The following DCHS2 variants were observed in gnomAD, a reference collection of about 807,000 sequenced individuals.
The protein encoded by DCHS2 is dachsous cadherin-related 2.
In DCHS2, 142 loss-of-function variants were observed where a neutral mutation model predicts 182.4. The ratio of observed to expected loss-of-function variants is 0.78; its 90% CI spans 0.68 to 0.89. The LOEUF (loss-of-function observed/expected upper bound fraction) is 0.89. Among genes scored for constraint, DCHS2 ranks in the 40% least tolerant of loss-of-function variants. The pLI is 0.00. For synonymous variants in DCHS2, 1,740 were observed against 1,663.3 expected, an observed-to-expected ratio of 1.05 and a Z score of -1.12; for missense variants, 4,319 against 4,198.6, an observed-to-expected ratio of 1.03 and a Z score of -0.79.
intron 13 of DCHS2, among the ~76,000 whole-genome samples, chr4:154,271,580 A>C (rs1224824102): frequency 1.3e-5 from 2 of 152,144 alleles, no homozygotes; most frequent in Non-Finnish European, 2.9e-5. Context: ...AGCTCTGTGG[A>C]AAAAGTCATC....
Position 154,235,441 on chromosome 4 carries a change from A to G in DCHS2, c.9211T>C (p.Trp3071Arg), listed in dbSNP as rs778338448. ...TCCATGATACTTATTAAACTCAACC[A>G]TTCCGGAGTGGCATCCACAGGGACC... The part of the protein sequence containing the change: ...EVVPVDATPE[W>R]LSLISIMEKD... The change falls in exon 20 of 20, where the codon TGG (tryptophan) becomes CGG (arginine). Residue 3071 changes from tryptophan (W) to arginine (R), a missense_variant. Trp to Arg is a moderately radical substitution (Grantham distance 101). Coordinates refer to ENST00000357232, the MANE Select transcript of DCHS2 (RefSeq NM_001358235.2). 5.6e-6 allele frequency: 9 copies of G among 1,614,088 alleles called. No homozygotes were observed. Among genetic ancestry groups the G allele is most frequent in the Non-Finnish European group, 6.8e-6 (8 of 1,179,974 alleles).
chr4:154,395,383 T>G (rs191356325), intron 1 of DCHS2, among the ~76,000 whole-genome samples: 1 of 152,288 alleles, frequency 6.6e-6, no homozygotes, highest in African/African-American at 2.4e-5. Context: ...CTGTTTCAGC[T>G]GAAGGTTCTT....
intron 3 of DCHS2, 80 bp downstream of exon 3, chr4:154,366,130 T>G: frequency 8.5e-7 from 1 of 1,172,286 alleles, no homozygotes; most frequent in South Asian, 1.4e-5. Flanking sequence ...AAAAAGTCAC[T>G]TTTTCTAATT....
chr4:154,479,591 A>G (rs1213879548), intron 1 of DCHS2, among the ~76,000 whole-genome samples: 1 of 152,194 alleles, frequency 6.6e-6, no homozygotes. Context: ...GCACAGTTGT[A>G]CTCCTCTGTA....
chr4:154,381,695 A>G (rs1015995072), intron 1 of DCHS2, among the ~76,000 whole-genome samples: 2 of 152,070 alleles, frequency 1.3e-5, no homozygotes, highest in Non-Finnish European at 2.9e-5. Flanking sequence ...ATAGCCACCA[A>G]AAAATAAAAT....
At chr4:154,268,508 T>G (rs1233187591) in intron 14 of DCHS2, among the ~76,000 whole-genome samples, 1 of 152,216 alleles carries the variant, frequency 6.6e-6, no homozygotes, top group African/African-American at 2.4e-5. Flanking sequence ...CTACTCAGAA[T>G]AGTGAGAAAT....
intron 2 of DCHS2, among the ~76,000 whole-genome samples, chr4:154,375,733 C>T (rs924361032): frequency 1.9e-4 from 29 of 151,818 alleles, no homozygotes; most frequent in South Asian, 4.2e-4. Context: ...CTGGTGGGAG[C>T]GCAATTCTAC....
At chr4:154,316,064 A>G in intron 9 of DCHS2, 77 bp from the exon 10 acceptor site, 1 of 1,560,160 alleles carries the variant, frequency 6.4e-7, no homozygotes, top group East Asian at 2.3e-5. Flanking sequence ...CTTATATCTA[A>G]CTTGTCTACC....
chr4:154,459,648 G>A (rs1391501637), intron 1 of DCHS2, among the ~76,000 whole-genome samples: 2 of 151,968 alleles, frequency 1.3e-5, no homozygotes, highest in African/African-American at 4.8e-5. Context: ...TTTACATAAT[G>A]GGATGTGGCA....
At chr4:154,303,967 T>C (rs1259564006) in intron 12 of DCHS2, among the ~76,000 whole-genome samples, 3 of 152,150 alleles carry the variant, frequency 2.0e-5, no homozygotes, top group Non-Finnish European at 4.4e-5. Flanking sequence ...CTTGAACCCA[T>C]TTTAACATCT....
At chr4:154,317,888 G>T (rs969668958) in intron 9 of DCHS2, among the ~76,000 whole-genome samples, 1 of 152,158 alleles carries the variant, frequency 6.6e-6, no homozygotes, top group Admixed American at 6.5e-5. Flanking sequence ...GATGTGAAAA[G>T]CAGGGGTCTT....
intron 1 of DCHS2, among the ~76,000 whole-genome samples, chr4:154,477,954 T>C (rs551335447): frequency 6.6e-6 from 1 of 152,238 alleles, no homozygotes; most frequent in Non-Finnish European, 1.5e-5. Context: ...AGTTGATTTC[T>C]ATTCCTACTT....
intron 1 of DCHS2, among the ~76,000 whole-genome samples, chr4:154,433,084 G>A (rs550222449): frequency 2.0e-5 from 3 of 152,308 alleles, no homozygotes; most frequent in South Asian, 4.1e-4. Context: ...GGGTTAAGAA[G>A]AGGACATATT....
At chr4:154,276,178 A>C (rs754552170) in intron 13 of DCHS2, among the ~76,000 whole-genome samples, 2 of 152,180 alleles carry the variant, frequency 1.3e-5, no homozygotes, top group Non-Finnish European at 2.9e-5. Context: ...TCAAGGTAGA[A>C]AGGGTAAGCT....
At chr4:154,475,524 G>A (rs1012528076) in intron 1 of DCHS2, among the ~76,000 whole-genome samples, 1 of 152,102 alleles carries the variant, frequency 6.6e-6, no homozygotes, top group Admixed American at 6.5e-5. Context: ...GGATTAGGAT[G>A]TATTATTTAT....
chr4:154,295,686 C>T (rs1416201662), intron 13 of DCHS2, among the ~76,000 whole-genome samples: 1 of 152,046 alleles, frequency 6.6e-6, no homozygotes, highest in Admixed American at 6.6e-5. Flanking sequence ...AAATAACAAC[C>T]AAAGAAAGCA....
At chr4:154,268,562 A>C (rs941967870) in intron 14 of DCHS2, among the ~76,000 whole-genome samples, 1 of 152,164 alleles carries the variant, frequency 6.6e-6, no homozygotes, top group African/African-American at 2.4e-5. Flanking sequence ...CCCATTTAAC[A>C]TTTTTGGGCC....
chr4:154,275,328 A>G (rs1733805884), intron 13 of DCHS2, among the ~76,000 whole-genome samples: 1 of 152,164 alleles, frequency 6.6e-6, no homozygotes. Flanking sequence ...TATGCTTAAC[A>G]TAAACTGTAA....
At chr4:154,331,125 A>G (rs1736502742) in intron 5 of DCHS2, among the ~76,000 whole-genome samples, 1 of 152,152 alleles carries the variant, frequency 6.6e-6, no homozygotes, top group Non-Finnish European at 1.5e-5. Flanking sequence ...CTGCCTTGCC[A>G]TGCTGTCCTT....
Sources: gnomAD v4.1 joint callset for allele counts (sites outside exome capture counted in the v4.1 genomes callset) on GRCh38, gnomAD v4.1.1 for gene constraint, MANE v1.5 for transcripts, NCBI Gene and HGNC (gene_info 2026-07-23, HGNC 2026-07-21) for gene names.